DISP1: variants seen among roughly 807,000 people sequenced by gnomAD.
DISP1 encodes the protein protein dispatched homolog 1.
In DISP1, 30 loss-of-function variants were observed where a neutral mutation model predicts 37.3. The observed-to-expected ratio is 0.80, with a 90% CI of 0.60 to 1.09. DISP1 has a LOEUF of 1.09. DISP1 is among the 50% of genes least tolerant of loss of function. DISP1 has a pLI of 0.00. For synonymous variants in DISP1, 634 were observed against 690.2 expected (o/e 0.92, Z 1.28); for missense variants, 1,598 against 1,879.5 (o/e 0.85, Z 2.77).
chr1:222,881,269 C>A (rs942651725), intron 1 of DISP1, among the ~76,000 whole-genome samples: 5 of 152,110 alleles, frequency 3.3e-5, no homozygotes, highest in African/African-American at 1.2e-4. Context: ...CATCTCGGCT[C>A]ACCGCAACCT....
chr1:222,846,266 C>T (rs536397811), intron 1 of DISP1, among the ~76,000 whole-genome samples: 17 of 152,140 alleles, frequency 1.1e-4, no homozygotes, highest in African/African-American at 3.1e-4. Context: ...CCAAGGCGGG[C>T]GGATCACCTG....
chr1:222,958,186 C>CACA (rs111426283), intron 3 of DISP1, among the ~76,000 whole-genome samples: 9,195 of 152,170 alleles, frequency 0.06, 961 homozygotes, highest in African/African-American at 0.21. Context: ...AATACATGCA[C>CACA]ACAGCACATT....
At chr1:222,825,932 T>C (rs1664269173) in intron 1 of DISP1, among the ~76,000 whole-genome samples, 1 of 151,746 alleles carries the variant, frequency 6.6e-6, no homozygotes, top group African/African-American at 2.4e-5. Flanking sequence ...GGCTGGGTCT[T>C]GCTCTGTCAC....
chr1:222,817,337 A>G (rs560904787), intron 1 of DISP1, among the ~76,000 whole-genome samples: 2 of 152,234 alleles, frequency 1.3e-5, no homozygotes, highest in Non-Finnish European at 2.9e-5. Flanking sequence ...CAAAATAGTG[A>G]TAACCAAAAC....
chr1:222,972,226 A>G (rs1439615945), intron 3 of DISP1, among the ~76,000 whole-genome samples: 1 of 152,098 alleles, frequency 6.6e-6, no homozygotes, highest in Non-Finnish European at 1.5e-5. Flanking sequence ...AATGTCATAT[A>G]TATTTATGAC....
chr1:222,926,903 C>CA (rs1319104176), intron 1 of DISP1, among the ~76,000 whole-genome samples: 2 of 152,124 alleles, frequency 1.3e-5, no homozygotes, highest in African/African-American at 2.4e-5. Flanking sequence ...TTGAGTGACT[C>CA]ACGTTTTTCA....
chr1:222,983,933 C>G (rs552194240), intron 4 of DISP1, among the ~76,000 whole-genome samples: 1 of 152,136 alleles, frequency 6.6e-6, no homozygotes, highest in Non-Finnish European at 1.5e-5. Context: ...AATGTCATTA[C>G]ACTTAAGAAA....
chr1:222,919,518 C>T lies in DISP1; in HGVS notation c.-158-8912C>T, dbSNP rs574198124. Among the ~76,000 whole-genome samples the T allele has an allele frequency of 2.0e-5, 3 of 152,290 alleles. No homozygotes were observed. In the South Asian group the frequency reaches 6.2e-4, roughly 32 times the overall value. ...CTTTGCTCACTAGAAGCAGGGAGCC[C>T]TCTTCTTCCCCTGATCTCTTCTTTA... is the stretch of plus-strand genomic sequence containing the variant. On this transcript the variant is annotated intron_variant, in intron 1 of 8. Transcript: ENST00000675850.
intron 3 of DISP1, among the ~76,000 whole-genome samples, chr1:222,969,691 T>A (rs1264171643): frequency 6.6e-6 from 1 of 151,942 alleles, no homozygotes; most frequent in East Asian, 1.9e-4. Context: ...ACTTTATGCA[T>A]CTAGTGTGAT....
At chr1:222,973,755 G>A (rs36017274) in intron 3 of DISP1, among the ~76,000 whole-genome samples, 17,147 of 152,074 alleles carry the variant, frequency 0.11, 1,007 homozygotes, top group East Asian at 0.28. Flanking sequence ...CCATTTCTGC[G>A]TTCCTTTTCA....
intron 1 of DISP1, among the ~76,000 whole-genome samples, chr1:222,861,933 GT>G (rs66890450): frequency 0.19 from 29,368 of 152,072 alleles, 3,430 homozygotes; most frequent in Non-Finnish European, 0.26. Flanking sequence ...TGAAAAATGT[GT>G]TTTTTTATAG....
At chr1:222,989,906 G>T (rs1172557652) in intron 4 of DISP1, among the ~76,000 whole-genome samples, 2 of 151,650 alleles carry the variant, frequency 1.3e-5, no homozygotes, top group African/African-American at 2.4e-5. Flanking sequence ...GGGTCCAAGT[G>T]ATTCTCCTGC....
chr1:222,848,465 T>C (rs1488681272), intron 1 of DISP1, among the ~76,000 whole-genome samples: 1 of 152,194 alleles, frequency 6.6e-6, no homozygotes, highest in Admixed American at 6.5e-5. Flanking sequence ...TAAAAACTTG[T>C]AGGATTCTTA....
chr1:222,968,848 G>A (rs143538553), intron 3 of DISP1, among the ~76,000 whole-genome samples: 6 of 151,746 alleles, frequency 4.0e-5, no homozygotes, highest in Non-Finnish European at 7.4e-5. Context: ...CAGGAGAATC[G>A]CTTGAGCTTG....
chr1:222,844,822 T>C (rs1425662518), intron 1 of DISP1, among the ~76,000 whole-genome samples: 2 of 152,162 alleles, frequency 1.3e-5, no homozygotes, highest in African/African-American at 4.8e-5. Flanking sequence ...TCGTTTAAGA[T>C]ACTGGGAAGC....
chr1:222,854,755 T>TA (rs979371799), intron 1 of DISP1, among the ~76,000 whole-genome samples: 2 of 151,930 alleles, frequency 1.3e-5, no homozygotes, highest in African/African-American at 4.8e-5. Context: ...TTTTTTTTTT[T>TA]AATCATAAAT....
chr1:222,869,293 T>C (rs1669381892), intron 1 of DISP1, among the ~76,000 whole-genome samples: 1 of 152,200 alleles, frequency 6.6e-6, no homozygotes, highest in African/African-American at 2.4e-5. Context: ...CTGTTAGTCA[T>C]AGATTTCACA....
intron 2 of DISP1, among the ~76,000 whole-genome samples, chr1:222,937,055 A>G (rs1026778870): frequency 7.6e-4 from 71 of 92,956 alleles, no homozygotes; most frequent in Admixed American, 1.9e-3. Flanking sequence ...TATATATAAT[A>G]TGCAATATAT....
chr1:223,002,208 G>A (rs564084253), intron 8 of DISP1, among the ~76,000 whole-genome samples, 177 bp from the exon 9 acceptor site: 9 of 152,230 alleles, frequency 5.9e-5, no homozygotes, highest in Non-Finnish European at 8.8e-5. Context: ...GTAACATGAC[G>A]CCATTTAGGG....
Sources: gnomAD v4.1 joint callset for allele counts (sites outside exome capture counted in the v4.1 genomes callset) on GRCh38, gnomAD v4.1.1 for gene constraint, MANE v1.5 for transcripts, NCBI Gene and HGNC (gene_info 2026-07-23, HGNC 2026-07-21) for gene names.